RANBP2: variants seen among roughly 807,000 people sequenced by gnomAD.
The protein encoded by RANBP2 is E3 SUMO-protein ligase RanBP2.
A neutral mutation model predicts 303.6 loss-of-function variants in RANBP2; 57 were observed. The ratio of observed to expected loss-of-function variants is 0.19; its 90% CI spans 0.15 to 0.23. The LOEUF is 0.23. RANBP2 is among the 10% of genes least tolerant of loss of function. The probability of loss-of-function intolerance (pLI) is 1.00; values close to 1 mark genes in which losing one functional copy is unlikely to be tolerated. For missense variants in RANBP2, 3,138 were observed against 3,780.8 expected, an observed-to-expected ratio of 0.83 and a Z score of 4.46; for synonymous variants, 1,167 against 1,301.5, an observed-to-expected ratio of 0.90 and a Z score of 2.23.
the RANBP2 span, among the ~76,000 whole-genome samples, chr2:109,303,921 A>G: frequency 1.3e-5 from 2 of 152,016 alleles, no homozygotes; most frequent in Admixed American, 1.3e-4. Flanking sequence ...TTACTATAAG[A>G]TATAACCCCG....
chr2:109,075,854 C>T, the RANBP2 span, among the ~76,000 whole-genome samples: 4 of 150,426 alleles, frequency 2.7e-5, no homozygotes, highest in South Asian at 2.1e-4. Context: ...AAAGAAAAAT[C>T]GATGGCTTTC....
the RANBP2 span, among the ~76,000 whole-genome samples, chr2:108,859,904 T>G: frequency 2.4e-4 from 37 of 152,190 alleles, no homozygotes; most frequent in Non-Finnish European, 5.1e-4. Context: ...ATATAACCAT[T>G]TAAATGATCT....
the RANBP2 span, among the ~76,000 whole-genome samples, chr2:109,005,947 T>G: frequency 6.6e-6 from 1 of 152,162 alleles, no homozygotes; most frequent in African/African-American, 2.4e-5. Context: ...GCTGCCCATG[T>G]GTTCAGCTGA....
At chr2:109,712,269 C>T in the RANBP2 span, among the ~76,000 whole-genome samples, 2 of 152,044 alleles carry the variant, frequency 1.3e-5, no homozygotes, top group Non-Finnish European at 1.5e-5. Context: ...TGGATCCTGC[C>T]GGCCCTGCCT....
the RANBP2 span, among the ~76,000 whole-genome samples, chr2:109,677,423 T>C: frequency 1.3e-5 from 2 of 152,220 alleles, no homozygotes; most frequent in African/African-American, 2.4e-5. Flanking sequence ...ATCCGTGACT[T>C]TTCCTTGACC....
At position 108,767,911 on chromosome 2, in the gene RANBP2, A is replaced by C. The variant is rs1677226173; in HGVS notation, c.7372A>C (p.Thr2458Pro). The C allele has an allele frequency of 1.2e-6, 2 of 1,611,458 alleles. No homozygotes were observed. The highest frequency in any genetic ancestry group is 1.7e-6 in the Non-Finnish European group (2 of 1,179,720). ...AACACCTCATGTTTCTCGGTCAAGC[A>C]CTCCCAGAGAGTCACCATGTGGCAA... The part of the protein sequence containing the change: ...LITPHVSRSS[T>P]PRESPCGKIA... The change falls in exon 20 of 29, where the codon ACT becomes CCT. Residue 2458 changes from threonine (T) to proline (P), a missense_variant. By Grantham distance (38) the Thr-to-Pro change is conservative. Transcript: ENST00000283195.
chr2:109,578,925 G>C, the RANBP2 span, among the ~76,000 whole-genome samples: 2 of 152,042 alleles, frequency 1.3e-5, no homozygotes, highest in Admixed American at 6.6e-5. Flanking sequence ...AAGTACAGAC[G>C]TAAGAGCAGA....
the RANBP2 span, chr2:109,545,900 G>A: frequency 6.9e-7 from 1 of 1,444,006 alleles, no homozygotes; most frequent in Non-Finnish European, 9.2e-7. Context: ...GAACAAGAGG[G>A]ACAAGGTCTC....
the RANBP2 span, among the ~76,000 whole-genome samples, chr2:109,165,730 C>T: frequency 2.9e-4 from 44 of 152,160 alleles, no homozygotes; most frequent in Non-Finnish European, 5.6e-4. Flanking sequence ...TTTCTGCTGC[C>T]CCCACTCTCC....
At chr2:108,990,425 G>A in the RANBP2 span, among the ~76,000 whole-genome samples, 6 of 129,096 alleles carry the variant, frequency 4.6e-5, no homozygotes, top group South Asian at 4.8e-4. Flanking sequence ...GTGACAGAGC[G>A]AGACTCCGTC....
At chr2:109,503,491 G>C in the RANBP2 span, 1 of 152,156 alleles carries the variant, frequency 6.6e-6, no homozygotes, top group African/African-American at 2.4e-5. Flanking sequence ...AAGTTGTTCA[G>C]AATCAAAGAA....
At chr2:109,614,392 C>T in the RANBP2 span, 1 of 961,578 alleles carries the variant, frequency 1.0e-6, no homozygotes, top group Non-Finnish European at 1.3e-6. Flanking sequence ...CCCGCTGAGC[C>T]CGCCAGACTC....
the RANBP2 span, among the ~76,000 whole-genome samples, chr2:109,701,937 G>C: frequency 6.6e-6 from 1 of 152,204 alleles, no homozygotes; most frequent in Admixed American, 6.5e-5. Context: ...CTTGTGTGCT[G>C]TTTCACCACA....
chr2:109,608,457 TAAAGGA>T, the RANBP2 span, among the ~76,000 whole-genome samples: 1 of 152,092 alleles, frequency 6.6e-6, no homozygotes, highest in African/African-American at 2.4e-5. Flanking sequence ...GGGAGGAAGG[TAAAGGA>T]AATCAGAGAA....
chr2:109,568,198 C>T, the RANBP2 span, among the ~76,000 whole-genome samples: 1 of 152,122 alleles, frequency 6.6e-6, no homozygotes, highest in Non-Finnish European at 1.5e-5. Flanking sequence ...GTTGCGTTCA[C>T]ACTACAACAG....
the RANBP2 span, among the ~76,000 whole-genome samples, chr2:108,865,970 T>C: frequency 6.6e-6 from 1 of 152,140 alleles, no homozygotes; most frequent in South Asian, 2.1e-4. Flanking sequence ...AGGGTACCTC[T>C]TTCTCTTCCT....
At chr2:109,073,333 G>T in the RANBP2 span, among the ~76,000 whole-genome samples, 7 of 152,180 alleles carry the variant, frequency 4.6e-5, no homozygotes, top group South Asian at 1.0e-3. Context: ...TGAACTCAAG[G>T]ACTGGTCATT....
chr2:109,768,568 CT>C, the RANBP2 span, among the ~76,000 whole-genome samples: 1 of 138,104 alleles, frequency 7.2e-6, no homozygotes, highest in Non-Finnish European at 1.6e-5. Context: ...ACATTTCTAA[CT>C]GGCTCCCAAG....
the RANBP2 span, among the ~76,000 whole-genome samples, chr2:109,619,871 G>A: frequency 6.6e-6 from 1 of 152,152 alleles, no homozygotes; most frequent in Non-Finnish European, 1.5e-5. Context: ...TTCCTTCAAT[G>A]ATCACCCAAG....
Sources: allele counts gnomAD v4.1 joint callset (sites outside exome capture counted in the v4.1 genomes callset), GRCh38; gene constraint gnomAD v4.1.1; transcripts MANE v1.5; gene names NCBI Gene and HGNC (gene_info 2026-07-23, HGNC 2026-07-21).